NIBAN2: variants seen among roughly 807,000 people sequenced by gnomAD.
NIBAN2 encodes niban apoptosis regulator 2.
NIBAN2 carries 36 observed loss-of-function variants against 81.8 expected under a neutral mutation model. The observed-to-expected ratio is 0.44, with a 90% CI of 0.34 to 0.58. NIBAN2 has a LOEUF of 0.58. Among genes scored for constraint, NIBAN2 ranks in the 20% least tolerant of loss-of-function variants. NIBAN2 has a pLI of 0.02. For synonymous variants in NIBAN2, 445 were observed against 441.6 expected (o/e 1.01, Z -0.10); for missense variants, 897 against 1,014.1 (o/e 0.88, Z 1.57).
intron 1 of NIBAN2, among the ~76,000 whole-genome samples, chr9:127,556,538 A>C (rs1263450123): frequency 6.6e-6 from 1 of 152,270 alleles, no homozygotes; most frequent in Non-Finnish European, 1.5e-5. Flanking sequence ...TGTTCATTAC[A>C]GTTATTGACT....
At position 127,507,270 on chromosome 9, in the gene NIBAN2, T is replaced by G. The variant is rs772381828; in HGVS notation, c.1816A>C (p.Thr606Pro). 6.2e-7 allele frequency: 1 copy of G among 1,602,268 alleles called. No homozygotes were observed. Among genetic ancestry groups the G allele is most frequent in the Admixed American group, 1.7e-5 (1 of 59,610 alleles). The change falls in exon 14 of 14, where the codon ACC becomes CCC. Residue 606 changes from threonine (T) to proline (P), a missense_variant. Around this residue, in one of 3 missense-constraint regions of NIBAN2, gnomAD observed 619 missense variants for 691.0 expected, o/e 0.90. Transcript: ENST00000373312. The surrounding 1 kb of genome is among the most constrained non-coding windows in gnomAD (Gnocchi z 6.8). The stretch of plus-strand genomic sequence containing the variant: ...TCCGAGAGGGTGGCTGACTCCGGGG[T>G]GCTGGGGCTGGGGCTGCCGCCCCCG... ...SGGGGSPSPS[T>P]PESATLSEKR... is the part of the protein sequence containing the mutation.
At chr9:127,531,496 A>T (rs1837179387) in intron 2 of NIBAN2, 152 bp downstream of exon 2, 1 of 610,344 alleles carries the variant, frequency 1.6e-6, no homozygotes, top group Non-Finnish European at 2.6e-6. Context: ...AAAAGAAAAA[A>T]ATAATTAATT....
Position 127,568,842 on chromosome 9 carries a change from G to GT in NIBAN2, c.32dup (p.Asp11GlufsTer23). 7.3e-7 allele frequency: 1 copy of GT among 1,370,072 alleles called. No homozygotes were observed. Among genetic ancestry groups the GT allele is most frequent in the Non-Finnish European group, 9.5e-7 (1 of 1,056,790 alleles). The allele number at this position is 1,370,072 out of a possible 1,614,324, so 84.9% of individuals were successfully genotyped here. ...CACCTGCGATGTGCTGGCGCCGGGC[G>GT]TCGTCCAGGTGCGTGGACAGCACGT... On this transcript the variant is annotated frameshift_variant, in exon 1 of 14. Coordinates refer to ENST00000373312, the MANE Select transcript of NIBAN2 (RefSeq NM_022833.4). LOFTEE classifies it high-confidence loss of function.
chr9:127,525,203 G>A, intron 3 of NIBAN2, 40 bp from the exon 4 acceptor site: 1 of 1,534,534 alleles, frequency 6.5e-7, no homozygotes, highest in African/African-American at 1.4e-5. Flanking sequence ...GGGTTAAGGT[G>A]CGGCCAAGCC....
intron 9 of NIBAN2, 35 bp from the exon 10 acceptor site, chr9:127,509,166 C>T: frequency 6.3e-7 from 1 of 1,576,862 alleles, no homozygotes; most frequent in Non-Finnish European, 8.6e-7. Context: ...CTGAGCAGGG[C>T]CGCCCTGTGG....
rs775239490 is a variant in NIBAN2, at chr9:127,517,042, G to A, written c.811-23C>T. 1 of 1,611,552 alleles carries A rather than the reference G, an allele frequency of 6.2e-7. No homozygotes were observed. ...GATCTGTGGGCAGAGCAGCTGAATT[G>A]GCACCAGGGCTGAGGGCACCGCACC... On this transcript the variant is annotated intron_variant, in intron 7 of 13. Coordinates refer to ENST00000373312, the MANE Select transcript of NIBAN2 (RefSeq NM_022833.4). This position sits in a 1 kb window ranked among gnomAD's most constrained non-coding sequence, Gnocchi z 4.0.
chr9:127,514,348 C>T (rs939159187), intron 8 of NIBAN2, among the ~76,000 whole-genome samples: 5 of 151,586 alleles, frequency 3.3e-5, no homozygotes, highest in African/African-American at 1.2e-4. Flanking sequence ...GGGATAGATA[C>T]CCCATTTCCC....
Position 127,531,637 on chromosome 9 carries a change from G to T in NIBAN2, c.186+11C>A. The T allele has an allele frequency of 6.2e-7, 1 of 1,611,406 alleles. No homozygotes were observed. On this transcript the variant is annotated intron_variant, in intron 2 of 13. Transcript: ENST00000373312. ...AGCAGAACATACCCGAGCCCTCCCA[G>T]CACCTCTCACCTTGCGCCAGAGCAG...
rs1313050195 is a variant in NIBAN2 at position 127,507,077 on chromosome 9, C to T, written c.2009G>A (p.Gly670Asp). ...GLRPESPPPA[G>D]PLLNGAPAGE... Reference sequence around the variant, plus strand: ...AGCGGGGGCCCCGTTGAGCAGGGGGCCGGCTGGTGGGGGGCTCTCAGGCCG... The same window carrying T: ...AGCGGGGGCCCCGTTGAGCAGGGGGTCGGCTGGTGGGGGGCTCTCAGGCCG... The change falls in exon 14 of 14, where the codon GGC (glycine) becomes GAC (aspartate). Residue 670 changes from glycine (G) to aspartate (D), a missense_variant. Gly to Asp is a moderately conservative substitution (Grantham distance 94, BLOSUM62 -1). Around this residue, in one of 3 missense-constraint regions of NIBAN2, gnomAD observed 619 missense variants for 691.0 expected, o/e 0.90. Coordinates refer to ENST00000373312, the MANE Select transcript of NIBAN2 (RefSeq NM_022833.4). This position sits in a 1 kb window ranked among gnomAD's most constrained non-coding sequence, Gnocchi z 6.8. 1.9e-6 allele frequency: 3 copies of T among 1,574,530 alleles called. No individual in the cohort carries two copies. In the African/African-American group the frequency reaches 4.1e-5, roughly 21 times the overall value.
At position 127,531,700 on chromosome 9, in the gene NIBAN2, C is replaced by T. The variant is rs773683224; in HGVS notation, c.134G>A (p.Arg45His). 14 of 1,614,102 alleles carry T rather than the reference C, an allele frequency of 8.7e-6. No individual in the cohort carries two copies. Among genetic ancestry groups the T allele is most frequent in the East Asian group, 4.5e-5 (2 of 44,872 alleles). ...QYGVALFNSM[R>H]HEIEGTGLPQ... ...CAGCCCCGTGCCCTCAATCTCATGG[C>T]GCATGCTGTTGAAGAGAGCCACGCC... The change falls in exon 2 of 14, where the codon CGC becomes CAC. Residue 45 changes from arginine (R) to histidine (H), a missense_variant. Physicochemically the swap from Arg to His is conservative, Grantham distance 29. Around this residue, in one of 3 missense-constraint regions of NIBAN2, gnomAD observed 209 missense variants for 208.4 expected, o/e 1.00. Coordinates refer to ENST00000373312, the MANE Select transcript of NIBAN2 (RefSeq NM_022833.4).
chr9:127,530,265 G>A (rs1418223044), intron 2 of NIBAN2, among the ~76,000 whole-genome samples: 1 of 152,242 alleles, frequency 6.6e-6, no homozygotes. Flanking sequence ...GGGTCAAAAA[G>A]CAAAGGTGAT....
intron 2 of NIBAN2, among the ~76,000 whole-genome samples, chr9:127,529,924 T>A (rs1327678839): frequency 6.6e-6 from 1 of 152,210 alleles, no homozygotes; most frequent in Non-Finnish European, 1.5e-5. Flanking sequence ...CTTGCTTACA[T>A]GTTGCTATTT....
At chr9:127,576,875 T>G (rs1445490727) in intron 1 of NIBAN2, among the ~76,000 whole-genome samples, 1 of 151,614 alleles carries the variant, frequency 6.6e-6, no homozygotes. Flanking sequence ...GTATTTTTAG[T>G]AGAGACGGGG....
chr9:127,544,098 G>C (rs752646839), intron 1 of NIBAN2, among the ~76,000 whole-genome samples: 4 of 152,222 alleles, frequency 2.6e-5, no homozygotes. Flanking sequence ...TGTGCTGGAA[G>C]AGAGAAGAGC....
At chr9:127,552,225 A>G (rs1837589322) in intron 1 of NIBAN2, among the ~76,000 whole-genome samples, 1 of 152,204 alleles carries the variant, frequency 6.6e-6, no homozygotes, top group Non-Finnish European at 1.5e-5. Flanking sequence ...TGCGGAATCA[A>G]TGGCTCAATC....
In NIBAN2 at chr9:127,507,274, G is replaced by A. The variant is rs775052902; in HGVS notation, c.1812C>T (p.Pro604=). 3.9e-5 allele frequency: 63 copies of A among 1,596,752 alleles called. No homozygotes were observed. The highest frequency in any genetic ancestry group is 5.4e-5 in the African/African-American group (4 of 74,500). The change falls in exon 14 of 14, where the codon CCC becomes CCT. Residue 604 remains proline, a synonymous_variant. Transcript: ENST00000373312. This position sits in a 1 kb window ranked among gnomAD's most constrained non-coding sequence, Gnocchi z 6.8. ...AGAGGGTGGCTGACTCCGGGGTGCT[G>A]GGGCTGGGGCTGCCGCCCCCGCCGC... The part of the protein sequence containing the change: ...SNSGGGGSPS[P]STPESATLSE...
chr9:127,543,106 CGT>C (rs1292477344), intron 1 of NIBAN2, among the ~76,000 whole-genome samples: 1 of 152,232 alleles, frequency 6.6e-6, no homozygotes, highest in Non-Finnish European at 1.5e-5. Flanking sequence ...CAATGACAGC[CGT>C]GTGACCCTGC....
intron 1 of NIBAN2, among the ~76,000 whole-genome samples, chr9:127,542,473 C>T (rs1030480842): frequency 6.6e-6 from 1 of 152,242 alleles, no homozygotes; most frequent in Non-Finnish European, 1.5e-5. Context: ...GTGCCAATCT[C>T]AGGCCAGACC....
chr9:127,526,505 G>C (rs1006738918), intron 3 of NIBAN2, among the ~76,000 whole-genome samples: 4 of 152,090 alleles, frequency 2.6e-5, no homozygotes. Context: ...AAGCCCTTCA[G>C]GTGATTTGGA....
Sources: gnomAD v4.1 joint callset for allele counts (sites outside exome capture counted in the v4.1 genomes callset) on GRCh38, gnomAD v4.1.1 for gene constraint, gnomAD v4.1.1 regional missense constraint, Gnocchi (gnomAD v3.1) non-coding constraint, MANE v1.5 for transcripts, NCBI Gene and HGNC (gene_info 2026-07-23, HGNC 2026-07-21) for gene names.